The following RBFOX1 variants were observed in gnomAD, a reference collection of about 807,000 sequenced individuals.
RBFOX1 encodes RNA binding fox-1 homolog 1.
Under a neutral mutation model 57.7 loss-of-function variants are expected in RBFOX1, and 8 were observed. The ratio of observed to expected loss-of-function variants is 0.14; its 90% CI spans 0.08 to 0.25. The LOEUF is 0.25. Among genes scored for constraint, RBFOX1 ranks in the 10% least tolerant of loss-of-function variants. The pLI, the probability that RBFOX1 is intolerant of heterozygous loss-of-function variation, is 1.00. For synonymous variants in RBFOX1, 326 were observed against 222.4 expected (o/e 1.47, Z -4.15); for missense variants, 611 against 548.5 (o/e 1.11, Z -1.14).
chr16:6,413,204 A>G (rs940089849), intron 2 of RBFOX1, among the ~76,000 whole-genome samples: 11 of 151,924 alleles, frequency 7.2e-5, no homozygotes, highest in African/African-American at 2.7e-4. Flanking sequence ...CTGTAATCCC[A>G]GAGACTTGGG....
At chr16:5,839,967 G>T (rs976661131) in intron 3 of RBFOX1, among the ~76,000 whole-genome samples, 14 of 152,160 alleles carry the variant, frequency 9.2e-5, no homozygotes, top group African/African-American at 3.4e-4. Context: ...ATGATTACTG[G>T]ACAAACATCT....
At chr16:6,052,999 A>G (rs1408424466) in intron 1 of RBFOX1, among the ~76,000 whole-genome samples, 1 of 151,982 alleles carries the variant, frequency 6.6e-6, no homozygotes, top group Non-Finnish European at 1.5e-5. Flanking sequence ...ATTTCTTTAC[A>G]TCTCTATTAA....
At chr16:6,873,383 T>A (rs1278484667) in intron 3 of RBFOX1, among the ~76,000 whole-genome samples, 1 of 152,158 alleles carries the variant, frequency 6.6e-6, no homozygotes, top group African/African-American at 2.4e-5. Context: ...GTCTTTGAGT[T>A]ATGTAAGCAG....
chr16:6,277,458 C>CAAAAAAAAAAA (rs59733415), intron 1 of RBFOX1, among the ~76,000 whole-genome samples: 3 of 80,824 alleles, frequency 3.7e-5, no homozygotes, highest in South Asian at 4.6e-4. Context: ...GTCTGTCTCC[C>CAAAAAAAAAAA]AAAAAAAAAA....
intron 4 of RBFOX1, among the ~76,000 whole-genome samples, chr16:7,181,150 C>G (rs1303059488): frequency 6.6e-6 from 1 of 152,150 alleles, no homozygotes; most frequent in Non-Finnish European, 1.5e-5. Flanking sequence ...TTGTCATGTG[C>G]CAGGTGGACG....
intron 1 of RBFOX1, among the ~76,000 whole-genome samples, chr16:5,266,125 A>G (rs1430992321): frequency 6.6e-6 from 1 of 152,040 alleles, no homozygotes; most frequent in African/African-American, 2.4e-5. Flanking sequence ...AGATGACTAG[A>G]ATGAAAGAGA....
At chr16:7,322,387 A>C (rs1477366902) in intron 4 of RBFOX1, among the ~76,000 whole-genome samples, 1 of 152,250 alleles carries the variant, frequency 6.6e-6, no homozygotes, top group African/African-American at 2.4e-5. Context: ...TCACAGTGCT[A>C]GTAAACACGT....
At chr16:7,321,255 C>T (rs1489211886) in intron 4 of RBFOX1, among the ~76,000 whole-genome samples, 1 of 152,060 alleles carries the variant, frequency 6.6e-6, no homozygotes, top group African/African-American at 2.4e-5. Context: ...AGCGATTGTC[C>T]TGCATCAGCC....
Position 6,966,567 on chromosome 16 carries a change from A to C in RBFOX1, c.-15-85490A>C, listed in dbSNP as rs959417348. 3.3e-5 allele frequency among the ~76,000 whole-genome samples: 5 copies of C among 152,096 alleles called. No individual in the cohort carries two copies. The East Asian group carries it at 7.7e-4, about 24-fold the overall frequency. On this transcript the variant is annotated intron_variant, in intron 3 of 15. Coordinates refer to ENST00000550418, the MANE Select transcript of RBFOX1 (RefSeq NM_018723.4). ...GAGTTATGCAATGTCTTTGAGAAAG[A>C]ATGGAAGATACGTTAGTTAAAAATA...
At chr16:6,080,288 T>C (rs2095980647) in intron 1 of RBFOX1, among the ~76,000 whole-genome samples, 2 of 151,694 alleles carry the variant, frequency 1.3e-5, no homozygotes, top group African/African-American at 4.8e-5. Flanking sequence ...AGGTGGTTAA[T>C]ACCACCATTT....
intron 5 of RBFOX1, among the ~76,000 whole-genome samples, chr16:7,534,225 T>G (rs554563514): frequency 6.6e-6 from 1 of 151,928 alleles, no homozygotes; most frequent in East Asian, 1.9e-4. Flanking sequence ...TAGCTGGGAT[T>G]ACAGGCACCC....
At chr16:5,788,299 A>G (rs1459544779) in intron 3 of RBFOX1, among the ~76,000 whole-genome samples, 1 of 152,144 alleles carries the variant, frequency 6.6e-6, no homozygotes, top group African/African-American at 2.4e-5. Flanking sequence ...TGCTGTCCTT[A>G]TTGGAGACAT....
In RBFOX1 at chr16:7,364,198, C is replaced by G. The variant is rs80243177; in HGVS notation, c.28-153949C>G. 8.0e-3 allele frequency among the ~76,000 whole-genome samples: 1,211 copies of G among 152,276 alleles called. 17 individuals carry two copies. The highest frequency in any genetic ancestry group is 0.028 in the African/African-American group (1,144 of 41,558). On this transcript the variant is annotated intron_variant, in intron 4 of 15. Transcript: ENST00000550418. Reference sequence around the variant, plus strand: ...ACGTCTGACGAGCTCTTGTCTGTTACATCAGTACCTTGGGATGTGCCGGGC... The same window carrying G: ...ACGTCTGACGAGCTCTTGTCTGTTAGATCAGTACCTTGGGATGTGCCGGGC...
At chr16:7,102,476 A>G (rs556873507) in intron 4 of RBFOX1, among the ~76,000 whole-genome samples, 38 of 152,330 alleles carry the variant, frequency 2.5e-4, no homozygotes, top group South Asian at 6.2e-4. Context: ...TTTATGAATC[A>G]TGAGATTTAA....
intron 4 of RBFOX1, among the ~76,000 whole-genome samples, chr16:7,360,741 C>G (rs770349744): frequency 3.3e-5 from 5 of 152,228 alleles, no homozygotes; most frequent in Non-Finnish European, 7.3e-5. Context: ...GTCCCACACA[C>G]TGGGATCTCT....
chr16:6,116,524 C>A (rs564210386), intron 1 of RBFOX1, among the ~76,000 whole-genome samples: 2 of 152,254 alleles, frequency 1.3e-5, no homozygotes, highest in South Asian at 4.1e-4. Flanking sequence ...AATATGATAA[C>A]CACAACTGCT....
intron 4 of RBFOX1, among the ~76,000 whole-genome samples, chr16:7,403,325 T>A (rs1427972290): frequency 1.3e-5 from 2 of 152,130 alleles, no homozygotes; most frequent in African/African-American, 4.8e-5. Context: ...ATTAGACGTC[T>A]AGAATTCAGT....
Position 7,107,552 on chromosome 16 carries a change from A to G in RBFOX1, c.27+55454A>G, listed in dbSNP as rs887518786. ...ACTTGACTTCTGTGCATACCTGACAAACTTGACTGTAATCAAGGTAGTGAA... is the reference window on the plus strand; with the variant it reads ...ACTTGACTTCTGTGCATACCTGACAGACTTGACTGTAATCAAGGTAGTGAA... On this transcript the variant is annotated intron_variant, in intron 4 of 15. Transcript: ENST00000550418. Among the ~76,000 whole-genome samples the G allele has an allele frequency of 1.3e-5, 2 of 152,108 alleles. 1 individual carries two copies.
chr16:5,823,573 C>A (rs558165169), intron 3 of RBFOX1, among the ~76,000 whole-genome samples: 64 of 152,258 alleles, frequency 4.2e-4, no homozygotes, highest in Non-Finnish European at 7.2e-4. Context: ...GAGTTGCAGG[C>A]AAGTAAGTGA....
Sources: allele counts gnomAD v4.1 joint callset (sites outside exome capture counted in the v4.1 genomes callset), GRCh38; gene constraint gnomAD v4.1.1; transcripts MANE v1.5; gene names NCBI Gene and HGNC (gene_info 2026-07-23, HGNC 2026-07-21).